The following BORA variants were observed in gnomAD, a reference collection of about 807,000 sequenced individuals.
BORA encodes protein aurora borealis.
A neutral mutation model predicts 55.8 loss-of-function variants in BORA; 26 were observed. That is an observed-to-expected ratio of 0.47 (90% CI 0.34 to 0.65). BORA has a LOEUF of 0.65. Ranked by LOEUF, BORA falls within the 30% of genes least tolerant of loss-of-function variation. The pLI is 0.01. For synonymous variants in BORA, 201 were observed against 216.9 expected, an observed-to-expected ratio of 0.93 and a Z score of 0.64; for missense variants, 568 against 671.5, an observed-to-expected ratio of 0.85 and a Z score of 1.70.
At chr13:72,743,995 C>G (rs185789667) in intron 6 of BORA, among the ~76,000 whole-genome samples, 18 of 152,216 alleles carry the variant, frequency 1.2e-4, no homozygotes, top group Middle Eastern at 3.4e-3. Flanking sequence ...CTTTGGCCCC[C>G]CAAAGTGCTA....
At chr13:72,740,983 A>C (rs2033022647) in intron 5 of BORA, among the ~76,000 whole-genome samples, 1 of 152,190 alleles carries the variant, frequency 6.6e-6, no homozygotes, top group African/African-American at 2.4e-5. Context: ...TTATCTACCT[A>C]AAGATTAACA....
Position 72,744,856 on chromosome 13 carries a change from C to T in BORA, c.512-125C>T, listed in dbSNP as rs1202421592. On this transcript the variant is annotated intron_variant, in intron 7 of 11. Coordinates refer to ENST00000390667, the MANE Select transcript of BORA (RefSeq NM_024808.5). Reference sequence around the variant, plus strand: ...GTAAAACATCAAATATGCAATTAAACTTTGCCCTCTTTTTGGGAAAAAATT... The same window carrying T: ...GTAAAACATCAAATATGCAATTAAATTTTGCCCTCTTTTTGGGAAAAAATT... 6.2e-6 allele frequency: 5 copies of T among 809,148 alleles called. No individual in the cohort carries two copies. The East Asian group carries it at 1.3e-4, about 22-fold the overall frequency. 50.1% of individuals were successfully genotyped at this position (809,148 alleles called of 1,614,324 possible). A position where few individuals can be genotyped will look rare whatever the true frequency, so the allele number is the denominator to read the frequency against.
intron 5 of BORA, among the ~76,000 whole-genome samples, chr13:72,742,767 T>TACACAC (rs67866253): frequency 9.9e-5 from 14 of 141,746 alleles, no homozygotes; most frequent in African/African-American, 3.4e-4. Flanking sequence ...TATATATATA[T>TACACAC]ACACACACAC....
At chr13:72,749,803 CTATT>C (rs1371964085) in intron 10 of BORA, among the ~76,000 whole-genome samples, 2 of 152,006 alleles carry the variant, frequency 1.3e-5, no homozygotes, top group Admixed American at 1.3e-4. Context: ...TAGTTAACTC[CTATT>C]TATTTTTTTC....
intron 10 of BORA, chr13:72,753,130 T>C (rs2033324321): frequency 6.6e-6 from 1 of 152,254 alleles, no homozygotes; most frequent in African/African-American, 2.4e-5. Flanking sequence ...ACTCAATAAA[T>C]GTTTCCAAGC....
intron 4 of BORA, 121 bp from the exon 5 acceptor site, chr13:72,737,841 T>G: frequency 2.8e-6 from 1 of 361,328 alleles, no homozygotes; most frequent in African/African-American, 2.1e-5. Flanking sequence ...TGTATTAAAA[T>G]TTTTGCATAC....
Position 72,746,656 on chromosome 13 carries a change from C to A in BORA, c.1027C>A (p.Gln343Lys). The change falls in exon 10 of 12, where the codon CAG becomes AAG. Residue 343 changes from glutamine to lysine, a missense_variant. Physicochemically the swap from Gln to Lys is moderately conservative, Grantham distance 53. Coordinates refer to ENST00000390667, the MANE Select transcript of BORA (RefSeq NM_024808.5). ...ACTTCAGATGTATAGTGGTGGTACTCAGTATCGGACCTCAGTGATTCAGAT... is the reference window on the plus strand; with the variant it reads ...ACTTCAGATGTATAGTGGTGGTACTAAGTATCGGACCTCAGTGATTCAGAT... ...MRLQMYSGGT[Q>K]YRTSVIQIPF... The A allele has an allele frequency of 6.2e-7, 1 of 1,614,098 alleles. No individual in the cohort carries two copies. The highest frequency in any genetic ancestry group is 1.1e-5 in the South Asian group (1 of 91,074).
At chr13:72,752,075 T>C (rs1593822107) in intron 10 of BORA, 1 of 152,108 alleles carries the variant, frequency 6.6e-6, no homozygotes. Context: ...AAAATAAATT[T>C]AGTAACAAAG....
rs1566232312 is a variant in BORA, at chr13:72,755,161, C to CA, written c.1627dup (p.Thr543AsnfsTer62). 6.2e-7 allele frequency: 1 copy of CA among 1,613,764 alleles called. No homozygotes were observed. The highest frequency in any genetic ancestry group is 1.1e-5 in the South Asian group (1 of 91,064). ...TCTTCTTTTTCACAGCAAGACCACA[C>CA]AACACAGAGGTGTTGGATGAAAACA... On this transcript the variant is annotated frameshift_variant, in exon 12 of 12. Transcript: ENST00000390667. LOFTEE classifies it high-confidence loss of function.
intron 11 of BORA, chr13:72,754,158 C>T (rs1438127135): frequency 1.1e-5 from 2 of 179,456 alleles, no homozygotes; most frequent in Non-Finnish European, 1.2e-5. Flanking sequence ...ATTTTTTTTG[C>T]ATTTTATTTT....
chr13:72,736,483 G>A (rs1480657170), intron 4 of BORA, among the ~76,000 whole-genome samples: 2 of 151,822 alleles, frequency 1.3e-5, no homozygotes, highest in Admixed American at 1.3e-4. Flanking sequence ...TACTATTATC[G>A]TTCTCATACT....
In BORA at chr13:72,727,930, C is replaced by A. The variant is rs2032707774; in HGVS notation, c.-93C>A. ...GCGCGGAAGCGGGGAGTTAAAGAGT[C>A]TATGCCTGTCGTGGAAGCTGGCCTG... On this transcript the variant is annotated 5_prime_UTR_variant, in exon 1 of 12. Transcript: ENST00000390667. The A allele has an allele frequency of 6.4e-7, 1 of 1,550,648 alleles. No homozygotes were observed. The highest frequency in any genetic ancestry group is 8.7e-7 in the Non-Finnish European group (1 of 1,147,004).
chr13:72,740,763 G>T (rs1037305401), intron 5 of BORA, among the ~76,000 whole-genome samples: 1 of 152,150 alleles, frequency 6.6e-6, no homozygotes, highest in Non-Finnish European at 1.5e-5. Context: ...TAAAAAAATA[G>T]GTGAAAGGCC....
chr13:72,728,292 G>A, intron 1 of BORA: 1 of 652,416 alleles, frequency 1.5e-6, no homozygotes, highest in South Asian at 1.6e-5. Flanking sequence ...TTGATTGCAA[G>A]TAATGCAGTC....
At position 72,755,740 on chromosome 13, in the gene BORA, T is replaced by TG; in HGVS notation, c.*528dup. ...TTAGTTCTTGGTCTGTTCACCTCTG[T>TG]GGGGAAAATTCTTAGTTCCAGTGAT... is the stretch of plus-strand genomic sequence containing the variant. On this transcript the variant is annotated 3_prime_UTR_variant, in exon 12 of 12. Coordinates refer to ENST00000390667, the MANE Select transcript of BORA (RefSeq NM_024808.5). 1 of 397,302 alleles carries TG rather than the reference T, an allele frequency of 2.5e-6. No individual in the cohort carries two copies. Among genetic ancestry groups the TG allele is most frequent in the African/African-American group, 2.1e-5 (1 of 48,738 alleles). 24.6% of individuals were successfully genotyped at this position (397,302 alleles called of 1,614,324 possible).
rs3759419 is a variant in BORA, at chr13:72,745,033, T to C, written c.564T>C (p.Ser188=). 13,233 of 1,614,104 alleles carry C rather than the reference T, an allele frequency of 8.2e-3. 937 individuals carry two copies. In the East Asian group the frequency reaches 0.19, roughly 24 times the overall value. The change falls in exon 8 of 12, where the codon AGT becomes AGC. Residue 188 remains serine, a synonymous_variant. Transcript: ENST00000390667. ...CAGATCAATCTCCTGGAAACCTCAGTTCTTCATCCCTCAGAAGAAAGCTGT... is the reference window on the plus strand; with the variant it reads ...CAGATCAATCTCCTGGAAACCTCAGCTCTTCATCCCTCAGAAGAAAGCTGT... ...EFADQSPGNL[S]SSSLRRKLFL... is the part of the protein sequence containing the mutation.
intron 1 of BORA, chr13:72,728,372 C>A: frequency 1.7e-6 from 1 of 599,558 alleles, no homozygotes; most frequent in Non-Finnish European, 3.0e-6. Context: ...GAAAGGGGAC[C>A]CCAGGCAGTT....
At chr13:72,736,150 CA>C (rs1255191517) in intron 4 of BORA, among the ~76,000 whole-genome samples, 2 of 152,160 alleles carry the variant, frequency 1.3e-5, no homozygotes, top group Non-Finnish European at 2.9e-5. Context: ...GGTTCTTCCC[CA>C]CCTGAATATT....
intron 10 of BORA, chr13:72,752,722 C>T (rs1422231116): frequency 6.6e-6 from 1 of 152,110 alleles, no homozygotes; most frequent in Non-Finnish European, 1.5e-5. Context: ...TAGTAGTAAG[C>T]AGATATGTAT....
Sources: gnomAD v4.1 joint callset for allele counts (sites outside exome capture counted in the v4.1 genomes callset) on GRCh38, gnomAD v4.1.1 for gene constraint, MANE v1.5 for transcripts, NCBI Gene and HGNC (gene_info 2026-07-23, HGNC 2026-07-21) for gene names.